The following GREM2 variants were observed in gnomAD, a reference collection of about 807,000 sequenced individuals.
The protein encoded by GREM2 is gremlin-2.
GREM2 carries 11 observed loss-of-function variants against 14.2 expected under a neutral mutation model. The observed-to-expected ratio is 0.78, with a 90% CI of 0.49 to 1.28. The LOEUF is 1.28. Among genes scored for constraint, GREM2 ranks in the 50% most tolerant of loss-of-function variants. The pLI, the probability that GREM2 is intolerant of heterozygous loss-of-function variation, is 0.00. For synonymous variants in GREM2, 98 were observed against 97.6 expected (o/e 1.00, Z -0.02); for missense variants, 210 against 218.5 (o/e 0.96, Z 0.24).
intron 1 of GREM2, among the ~76,000 whole-genome samples, chr1:240,533,111 G>A (rs1194210754): frequency 1.3e-5 from 2 of 152,214 alleles, no homozygotes; most frequent in Admixed American, 6.5e-5. Flanking sequence ...ACACAATGTA[G>A]TCAGCATTAT....
At position 240,548,858 on chromosome 1, in the gene GREM2, A is replaced by G. The variant is rs1174963898; in HGVS notation, c.-1-55382T>C. On this transcript the variant is annotated intron_variant, in intron 1 of 1. Coordinates refer to ENST00000318160, the MANE Select transcript of GREM2 (RefSeq NM_022469.4). ...AGAAAGAAAACTTGACGGTAAAAAG[A>G]GAACTAGGTCCATGTAGAAGCCTAG... 7.2e-5 allele frequency among the ~76,000 whole-genome samples: 11 copies of G among 152,252 alleles called. No homozygotes were observed. The South Asian group carries it at 1.7e-3, about 23-fold the overall frequency.
At chr1:240,553,720 A>G (rs1177097250) in intron 1 of GREM2, among the ~76,000 whole-genome samples, 1 of 152,238 alleles carries the variant, frequency 6.6e-6, no homozygotes, top group Non-Finnish European at 1.5e-5. Flanking sequence ...ATGTATAAAT[A>G]ATCCAAAGCA....
chr1:240,577,565 ATG>A (rs1679396976), intron 1 of GREM2, among the ~76,000 whole-genome samples: 2 of 152,236 alleles, frequency 1.3e-5, no homozygotes, highest in South Asian at 4.1e-4. Context: ...ATTTACATGC[ATG>A]TTTTCTGAAC....
intron 1 of GREM2, among the ~76,000 whole-genome samples, chr1:240,583,746 C>T (rs1028363484): frequency 6.6e-6 from 1 of 152,052 alleles, no homozygotes. Context: ...GGACTACAGG[C>T]ATGCGCCACC....
chr1:240,579,794 T>G (rs1203531894), intron 1 of GREM2, among the ~76,000 whole-genome samples: 1 of 152,206 alleles, frequency 6.6e-6, no homozygotes, highest in African/African-American at 2.4e-5. Flanking sequence ...CTGGTAAAGC[T>G]AAAACAACAG....
chr1:240,519,971 T>G (rs10802882), intron 1 of GREM2, among the ~76,000 whole-genome samples: 42,954 of 151,892 alleles, frequency 0.28, 6,249 homozygotes, highest in East Asian at 0.46. Context: ...TCCCAGCTAC[T>G]CAGGAGGCTG....
chr1:240,559,318 A>T (rs200157013), intron 1 of GREM2, among the ~76,000 whole-genome samples: 6 of 148,378 alleles, frequency 4.0e-5, no homozygotes, highest in African/African-American at 1.5e-4. Context: ...CATTAGTATC[A>T]CCGCCAATCT....
chr1:240,510,296 G>A lies in GREM2; in HGVS notation c.-1-16820C>T, dbSNP rs555091010. On this transcript the variant is annotated intron_variant, in intron 1 of 1. Transcript: ENST00000318160. ...GAGGCAGGAGAATGGCGTGAACCGG[G>A]GAGGCGGAGCTTGCACTGAGCAGAG... 3.2e-3 allele frequency among the ~76,000 whole-genome samples: 473 copies of A among 148,290 alleles called. 3 individuals carry two copies. Among genetic ancestry groups the A allele is most frequent in the Non-Finnish European group, 1.2e-3 (84 of 67,494 alleles).
intron 1 of GREM2, among the ~76,000 whole-genome samples, chr1:240,570,204 C>T (rs1679234428): frequency 6.6e-6 from 1 of 152,162 alleles, no homozygotes; most frequent in South Asian, 2.1e-4. Flanking sequence ...TGGCTCATGC[C>T]TGTAATCCCA....
intron 1 of GREM2, among the ~76,000 whole-genome samples, chr1:240,554,673 C>T (rs949337797): frequency 6.6e-6 from 1 of 152,112 alleles, no homozygotes; most frequent in Non-Finnish European, 1.5e-5. Flanking sequence ...ACAAAATAAA[C>T]AGAACTGAGA....
At chr1:240,603,082 C>CAAA (rs535337439) in intron 1 of GREM2, among the ~76,000 whole-genome samples, 1 of 150,004 alleles carries the variant, frequency 6.7e-6, no homozygotes, top group African/African-American at 2.5e-5. Context: ...AGACTCGTCT[C>CAAA]AAAAAAAAAT....
In GREM2 at chr1:240,540,937, TTCTGGAC is replaced by T. The variant is rs1164760577; in HGVS notation, c.-1-47468_-1-47462del. ...TCAATCAGTTTGTCGCCTTCCAGCA[TTCTGGAC>T]CAGAAGTCTCCTGTGTTTGTTCTGC... On this transcript the variant is annotated intron_variant, in intron 1 of 1. Transcript: ENST00000318160. This position sits in a 1 kb window ranked among gnomAD's most constrained non-coding sequence, Gnocchi z 4.2. 2.0e-5 allele frequency among the ~76,000 whole-genome samples: 3 copies of T among 152,180 alleles called. No individual in the cohort carries two copies. Among genetic ancestry groups the T allele is most frequent in the Non-Finnish European group, 4.4e-5 (3 of 68,038 alleles).
At chr1:240,526,880 A>T (rs1478397788) in intron 1 of GREM2, among the ~76,000 whole-genome samples, 1 of 152,216 alleles carries the variant, frequency 6.6e-6, no homozygotes, top group Non-Finnish European at 1.5e-5. Flanking sequence ...ATATGAAGAG[A>T]TGGCTTAAGG....
At chr1:240,593,638 A>G (rs10926306) in intron 1 of GREM2, among the ~76,000 whole-genome samples, 20 of 152,134 alleles carry the variant, frequency 1.3e-4, no homozygotes, top group African/African-American at 4.8e-4. Flanking sequence ...CATGTAAGTC[A>G]CCTTTGTGTG....
intron 1 of GREM2, among the ~76,000 whole-genome samples, chr1:240,561,457 A>G (rs1679033790): frequency 6.6e-6 from 1 of 152,164 alleles, no homozygotes; most frequent in Non-Finnish European, 1.5e-5. Flanking sequence ...CCAACCTAAC[A>G]GTCCCAAGCA....
At chr1:240,521,315 T>C (rs940900636) in intron 1 of GREM2, among the ~76,000 whole-genome samples, 24 of 152,268 alleles carry the variant, frequency 1.6e-4, no homozygotes, top group East Asian at 1.4e-3. Flanking sequence ...ACGCCTGTAA[T>C]CCCAGCACTT....
chr1:240,493,624 T>C (rs1051266308), intron 1 of GREM2, 148 bp from the exon 2 acceptor site: 15 of 903,810 alleles, frequency 1.7e-5, no homozygotes, highest in Non-Finnish European at 2.1e-5. Flanking sequence ...AGGCTCAAAC[T>C]CTGGGATCCT....
intron 1 of GREM2, among the ~76,000 whole-genome samples, chr1:240,580,248 C>A (rs1041691936): frequency 1.8e-4 from 28 of 152,078 alleles, no homozygotes; most frequent in Admixed American, 6.6e-5. Context: ...AATTTAAATA[C>A]AAATTTTTAA....
intron 1 of GREM2, among the ~76,000 whole-genome samples, chr1:240,596,016 C>A (rs756195534): frequency 6.6e-6 from 1 of 152,092 alleles, no homozygotes; most frequent in African/African-American, 2.4e-5. Flanking sequence ...GAGTGCTTGG[C>A]ATATAACAAA....
Sources: allele counts gnomAD v4.1 joint callset (sites outside exome capture counted in the v4.1 genomes callset), GRCh38; gene constraint gnomAD v4.1.1; non-coding constraint Gnocchi (gnomAD v3.1); transcripts MANE v1.5; gene names NCBI Gene and HGNC (gene_info 2026-07-23, HGNC 2026-07-21).